The following ANKRD13A variants were observed in gnomAD, a reference collection of about 807,000 sequenced individuals.
The protein encoded by ANKRD13A is ankyrin repeat domain 13A.
Under a neutral mutation model 81.3 loss-of-function variants are expected in ANKRD13A, and 48 were observed. The observed-to-expected ratio is 0.59, with a 90% CI of 0.47 to 0.75. The LOEUF (loss-of-function observed/expected upper bound fraction) is 0.75, where lower values mean the gene tolerates loss of function less well. ANKRD13A is among the 30% of genes least tolerant of loss of function. The pLI is 0.00. For missense variants in ANKRD13A, 612 were observed against 734.0 expected (o/e 0.83, Z 1.92); for synonymous variants, 230 against 270.1 (o/e 0.85, Z 1.45).
intron 1 of ANKRD13A, among the ~76,000 whole-genome samples, chr12:110,010,848 G>A (rs769958078): frequency 8.5e-5 from 13 of 152,178 alleles, no homozygotes; most frequent in African/African-American, 2.9e-4. Flanking sequence ...CACTTTCTGC[G>A]TATCTTCAGA....
At position 109,999,717 on chromosome 12, in the gene ANKRD13A, A is replaced by G; in HGVS notation, c.29A>G (p.His10Arg). MSSACDAGD[H>R]YPLHLLVWKN... ...TCCTCGGCCTGCGACGCGGGCGACCACTACCCCCTGCACCTCCTAGTCTGG... is the reference window on the plus strand; with the variant it reads ...TCCTCGGCCTGCGACGCGGGCGACCGCTACCCCCTGCACCTCCTAGTCTGG... The change falls in exon 1 of 15, where the codon CAC (histidine) becomes CGC (arginine). Residue 10 changes from histidine to arginine, a missense_variant. Coordinates refer to ENST00000261739, the MANE Select transcript of ANKRD13A (RefSeq NM_033121.2). This position sits in a 1 kb window ranked among gnomAD's most constrained non-coding sequence, Gnocchi z 4.3. 6.5e-7 allele frequency: 1 copy of G among 1,539,764 alleles called. No homozygotes were observed. The highest frequency in any genetic ancestry group is 1.2e-5 in the South Asian group (1 of 82,838).
At chr12:110,019,059 T>C (rs897154419) in intron 5 of ANKRD13A, 80 bp from the exon 6 acceptor site, 27 of 1,418,952 alleles carry the variant, frequency 1.9e-5, no homozygotes, top group Non-Finnish European at 2.6e-5. Flanking sequence ...TGAAAGATGA[T>C]ACATTTTAAC....
At chr12:110,003,886 C>T (rs753085509) in intron 1 of ANKRD13A, among the ~76,000 whole-genome samples, 2 of 152,056 alleles carry the variant, frequency 1.3e-5, no homozygotes, top group Non-Finnish European at 1.5e-5. Flanking sequence ...TGGCTGGGCA[C>T]GGTGGCTCAC....
At chr12:110,012,216 T>G (rs2137104630) in intron 2 of ANKRD13A, 79 bp downstream of exon 2, 1 of 1,471,850 alleles carries the variant, frequency 6.8e-7, no homozygotes, top group South Asian at 1.3e-5. Context: ...AATATGAAAA[T>G]TAGCCAGGTG....
rs558697071 is a variant in ANKRD13A at position 110,026,421 on chromosome 12, T to A, written c.883+598T>A. Among the ~76,000 whole-genome samples the A allele has an allele frequency of 6.7e-4, 98 of 146,408 alleles. 2 individuals carry two copies. The South Asian group carries it at 0.021, about 31-fold the overall frequency. On this transcript the variant is annotated intron_variant, in intron 8 of 14. Coordinates refer to ENST00000261739, the MANE Select transcript of ANKRD13A (RefSeq NM_033121.2). ...AAACCCCATCTGTGCTAAAAAAAAA[T>A]ACAAAATTAGCTGGGTGTGGTGGCC...
chr12:110,035,672 A>G (rs926497725), intron 13 of ANKRD13A, among the ~76,000 whole-genome samples: 31 of 151,704 alleles, frequency 2.0e-4, no homozygotes, highest in Admixed American at 1.8e-3. Context: ...CTGATCCCAA[A>G]CTCCAGACCT....
At chr12:110,032,311 T>C (rs1164560692) in intron 12 of ANKRD13A, 2 of 152,222 alleles carry the variant, frequency 1.3e-5, no homozygotes, top group East Asian at 3.8e-4. Flanking sequence ...GCAACTATCA[T>C]GATGGTCCTA....
At chr12:110,016,273 A>C (rs1005339908) in intron 3 of ANKRD13A, 115 bp from the exon 4 acceptor site, 7 of 778,158 alleles carry the variant, frequency 9.0e-6, no homozygotes, top group Non-Finnish European at 1.1e-5. Context: ...ATTTCTTCTT[A>C]TTTTCTCTTT....
rs1359507721 is a variant in ANKRD13A, at chr12:110,012,005, A to C, written c.97A>C (p.Asn33His). 4 of 1,598,224 alleles carry C rather than the reference A, an allele frequency of 2.5e-6. No homozygotes were observed. The highest frequency in any genetic ancestry group is 3.4e-6 in the Non-Finnish European group (4 of 1,167,108). Residue 33 changes from asparagine (N) to histidine (H), a missense_variant and splice_region_variant, in exon 2 of 15, where the codon AAT (asparagine) becomes CAT (histidine). Coordinates refer to ENST00000261739, the MANE Select transcript of ANKRD13A (RefSeq NM_033121.2). Reference sequence around the variant, plus strand: ...GTAAATGCCAGTGTTTCCTTCACAGAATGTGGAGGCTGTGGACCCACGAGG... The same window carrying C: ...GTAAATGCCAGTGTTTCCTTCACAGCATGTGGAGGCTGTGGACCCACGAGG... ...RQLEKELQGQ[N>H]VEAVDPRGRT...
At chr12:110,031,257 A>G (rs1426734620) in intron 12 of ANKRD13A, among the ~76,000 whole-genome samples, 1 of 152,108 alleles carries the variant, frequency 6.6e-6, no homozygotes, top group Non-Finnish European at 1.5e-5. Context: ...ATATGATCCT[A>G]GTTATATTAA....
At chr12:110,016,325 C>G in intron 3 of ANKRD13A, 63 bp from the exon 4 acceptor site, 1 of 1,277,322 alleles carries the variant, frequency 7.8e-7, no homozygotes, top group South Asian at 1.7e-5. Flanking sequence ...CCTGTTAACC[C>G]CTGCTTATGT....
At position 109,999,557 on chromosome 12, in the gene ANKRD13A, A is replaced by C. The variant is rs551309164; in HGVS notation, c.-132A>C. 1 of 628,234 alleles carries C rather than the reference A, an allele frequency of 1.6e-6. No homozygotes were observed. The highest frequency in any genetic ancestry group is 5.4e-5 in the South Asian group (1 of 18,502). 38.9% of individuals were successfully genotyped at this position (628,234 alleles called of 1,614,324 possible). ...CGCGCGCCCCGCACCCGACCGGCTC[A>C]GCCGGCCGGCAGCGTAACACGCCCT... On this transcript the variant is annotated 5_prime_UTR_variant, in exon 1 of 15. Transcript: ENST00000261739. The surrounding 1 kb of genome is among the most constrained non-coding windows in gnomAD (Gnocchi z 4.3).
intron 6 of ANKRD13A, chr12:110,021,119 T>C (rs1457211468): frequency 2.2e-6 from 1 of 457,042 alleles, no homozygotes. Context: ...GTTTTCAGAG[T>C]TCTCAAGCTA....
intron 12 of ANKRD13A, chr12:110,032,314 T>C (rs2137176241): frequency 6.6e-6 from 1 of 152,362 alleles, no homozygotes; most frequent in South Asian, 2.1e-4. Flanking sequence ...ACTATCATGA[T>C]GGTCCTATGT....
intron 8 of ANKRD13A, among the ~76,000 whole-genome samples, chr12:110,026,662 A>T (rs1356040157): frequency 6.6e-6 from 1 of 152,106 alleles, no homozygotes; most frequent in Non-Finnish European, 1.5e-5. Flanking sequence ...TGGGCAGATC[A>T]CTTGAGGCCA....
At position 110,028,496 on chromosome 12, in the gene ANKRD13A, A is replaced by C; in HGVS notation, c.946-16A>C. ...TCATTTGGCATTTCTGACTCTCCTGAGTTCTGGCTCAGCAGGACCTCACCA... is the reference window on the plus strand; with the variant it reads ...TCATTTGGCATTTCTGACTCTCCTGCGTTCTGGCTCAGCAGGACCTCACCA... On this transcript the variant is annotated splice_polypyrimidine_tract_variant and intron_variant, in intron 9 of 14. Transcript: ENST00000261739. 6.2e-7 allele frequency: 1 copy of C among 1,613,662 alleles called. No individual in the cohort carries two copies.
intron 13 of ANKRD13A, among the ~76,000 whole-genome samples, chr12:110,034,676 G>A (rs551642765): frequency 6.6e-6 from 1 of 152,240 alleles, no homozygotes; most frequent in South Asian, 2.1e-4. Flanking sequence ...AAGGCTTGAG[G>A]TCCTCCTCCC....
At chr12:110,004,157 CA>C (rs1269130065) in intron 1 of ANKRD13A, among the ~76,000 whole-genome samples, 1 of 144,314 alleles carries the variant, frequency 6.9e-6, no homozygotes, top group East Asian at 2.0e-4. Flanking sequence ...GACTCCATCT[CA>C]AAAAAAAAAT....
In ANKRD13A at chr12:110,038,273, T is replaced by C. The variant is rs1892184471; in HGVS notation, c.*719T>C. 2 of 152,686 alleles carry C rather than the reference T, an allele frequency of 1.3e-5. No individual in the cohort carries two copies. The highest frequency in any genetic ancestry group is 4.1e-4 in the South Asian group (2 of 4,838). 9.5% of individuals were successfully genotyped at this position (152,686 alleles called of 1,614,324 possible). On this transcript the variant is annotated 3_prime_UTR_variant, in exon 15 of 15. Transcript: ENST00000261739. ...ACCTCACTGCACGCATCGAAGGATC[T>C]GATTTGAATTTGTAAAGGCAATTCT... is the stretch of plus-strand genomic sequence containing the variant.
Sources: allele counts gnomAD v4.1 joint callset (sites outside exome capture counted in the v4.1 genomes callset), GRCh38; gene constraint gnomAD v4.1.1; non-coding constraint Gnocchi (gnomAD v3.1); transcripts MANE v1.5; gene names NCBI Gene and HGNC (gene_info 2026-07-23, HGNC 2026-07-21).